Variants in THSD4 observed in about 807,000 individuals in gnomAD.
The protein encoded by THSD4 is thrombospondin type-1 domain-containing protein 4.
A neutral mutation model predicts 119.0 loss-of-function variants in THSD4; 69 were observed. The observed-to-expected ratio is 0.58, with a 90% CI of 0.48 to 0.71. THSD4 has a LOEUF of 0.71. Ranked by LOEUF, THSD4 falls within the 30% of genes least tolerant of loss-of-function variation. THSD4 has a pLI of 0.00. For missense variants in THSD4, 1,393 were observed against 1,391.1 expected, an observed-to-expected ratio of 1.00 and a Z score of -0.02; for synonymous variants, 524 against 540.4, an observed-to-expected ratio of 0.97 and a Z score of 0.42.
rs547542373 is a variant in THSD4, at chr15:71,117,458, C to G, written c.-80+1760C>G. ...TTCTCTCCATGGTACCACTTTTATCCTAATTGCTGGGAGTCTCAATGTTTA... is the reference window on the plus strand; with the variant it reads ...TTCTCTCCATGGTACCACTTTTATCGTAATTGCTGGGAGTCTCAATGTTTA... On this transcript the variant is annotated intron_variant, in intron 1 of 17. Transcript: ENST00000261862. 2.0e-5 allele frequency among the ~76,000 whole-genome samples: 3 copies of G among 152,204 alleles called. No individual in the cohort carries two copies. The East Asian group carries it at 5.8e-4, about 29-fold the overall frequency.
At chr15:71,135,705 G>A (rs1211629392) in intron 1 of THSD4, among the ~76,000 whole-genome samples, 1 of 152,158 alleles carries the variant, frequency 6.6e-6, no homozygotes, top group Non-Finnish European at 1.5e-5. Context: ...TCCAGCCAAA[G>A]CTCTTTCTCC....
At chr15:71,446,597 C>T (rs943693642) in intron 7 of THSD4, among the ~76,000 whole-genome samples, 1 of 152,140 alleles carries the variant, frequency 6.6e-6, no homozygotes, top group Non-Finnish European at 1.5e-5. Flanking sequence ...CTGCAGGTAA[C>T]AGAAAATCCA....
At chr15:71,199,462 TGTGTGTGTGTG>T in intron 3 of THSD4, among the ~76,000 whole-genome samples, 1 of 106,758 alleles carries the variant, frequency 9.4e-6, no homozygotes, top group African/African-American at 3.6e-5. Flanking sequence ...TGGGGGGGGG[TGTGTGTGTGTG>T]GTGTGTGTGT....
At chr15:71,772,561 C>T (rs529921189) in intron 17 of THSD4, among the ~76,000 whole-genome samples, 4 of 152,258 alleles carry the variant, frequency 2.6e-5, no homozygotes, top group East Asian at 1.9e-4. Context: ...CAAGGGGAGC[C>T]GTATGTGCCA....
chr15:71,486,373 G>A (rs2047817124), intron 7 of THSD4, among the ~76,000 whole-genome samples: 1 of 152,078 alleles, frequency 6.6e-6, no homozygotes, highest in Non-Finnish European at 1.5e-5. Flanking sequence ...CTAAAAAGTG[G>A]GAATGATGAT....
intron 7 of THSD4, among the ~76,000 whole-genome samples, chr15:71,526,329 A>G (rs2048517891): frequency 6.6e-6 from 1 of 152,160 alleles, no homozygotes; most frequent in Non-Finnish European, 1.5e-5. Context: ...AAGCCTCTAA[A>G]TATTTCCTCT....
chr15:71,557,457 C>T (rs1203753916), intron 7 of THSD4, among the ~76,000 whole-genome samples: 1 of 151,646 alleles, frequency 6.6e-6, no homozygotes, highest in African/African-American at 2.4e-5. Context: ...GTTTACTTTC[C>T]TGTTTTGCTA....
At chr15:71,664,436 T>A (rs983316195) in intron 8 of THSD4, among the ~76,000 whole-genome samples, 2 of 144,860 alleles carry the variant, frequency 1.4e-5, no homozygotes, top group African/African-American at 5.1e-5. Flanking sequence ...GAAAATAGAT[T>A]TCTATGAAAA....
intron 8 of THSD4, among the ~76,000 whole-genome samples, chr15:71,727,475 C>T (rs181591550): frequency 4.7e-5 from 7 of 148,514 alleles, no homozygotes; most frequent in Admixed American, 3.4e-4. Flanking sequence ...GCAGGCAGAT[C>T]GCTTGAGCTC....
intron 7 of THSD4, among the ~76,000 whole-genome samples, chr15:71,504,822 T>C (rs898608850): frequency 6.6e-6 from 1 of 152,206 alleles, no homozygotes; most frequent in Non-Finnish European, 1.5e-5. Flanking sequence ...TGCCATCCTT[T>C]TTCTATTCCA....
chr15:71,332,697 T>C (rs2140375401), intron 6 of THSD4, among the ~76,000 whole-genome samples: 1 of 151,888 alleles, frequency 6.6e-6, no homozygotes, highest in Non-Finnish European at 1.5e-5. Flanking sequence ...AGCAGACGTC[T>C]CTCTCTCTCT....
chr15:71,123,599 T>C (rs541907132), intron 1 of THSD4, among the ~76,000 whole-genome samples: 2 of 152,226 alleles, frequency 1.3e-5, no homozygotes, highest in African/African-American at 4.8e-5. Context: ...CTTACAGCCT[T>C]AGCAGCGGGC....
chr15:71,251,161 T>C (rs1459800153), intron 5 of THSD4, among the ~76,000 whole-genome samples: 1 of 152,168 alleles, frequency 6.6e-6, no homozygotes, highest in African/African-American at 2.4e-5. Context: ...GCAAGATAAC[T>C]GGAGCGAAAT....
intron 7 of THSD4, among the ~76,000 whole-genome samples, chr15:71,413,103 C>A (rs890196344): frequency 6.6e-6 from 1 of 152,100 alleles, no homozygotes; most frequent in Admixed American, 6.5e-5. Flanking sequence ...CCTCTGCCTC[C>A]TAGGTTCAAG....
intron 17 of THSD4, among the ~76,000 whole-genome samples, chr15:71,776,375 AT>A (rs546097229): frequency 1.3e-5 from 2 of 152,358 alleles, no homozygotes; most frequent in African/African-American, 4.8e-5. Flanking sequence ...TTCGTGAATC[AT>A]TTTTTAAAGT....
intron 3 of THSD4, among the ~76,000 whole-genome samples, chr15:71,189,624 C>G (rs367600037): frequency 6.6e-6 from 1 of 151,556 alleles, no homozygotes; most frequent in East Asian, 1.9e-4. Flanking sequence ...GAGCCGAGAT[C>G]GCGCCACTGC....
At chr15:71,414,127 A>G (rs1430660104) in intron 7 of THSD4, among the ~76,000 whole-genome samples, 3 of 152,300 alleles carry the variant, frequency 2.0e-5, no homozygotes, top group East Asian at 1.9e-4. Flanking sequence ...GATTTTGCAA[A>G]AGTTACTTAA....
intron 7 of THSD4, among the ~76,000 whole-genome samples, chr15:71,591,547 C>T (rs1158928632): frequency 2.0e-5 from 3 of 152,168 alleles, no homozygotes; most frequent in Non-Finnish European, 2.9e-5. Flanking sequence ...ATGTGACATG[C>T]TCCATGTGTG....
At chr15:71,160,175 G>A (rs183571589) in intron 3 of THSD4, among the ~76,000 whole-genome samples, 411 of 151,550 alleles carry the variant, frequency 2.7e-3, no homozygotes, top group African/African-American at 9.5e-3. Flanking sequence ...AATCCCACTT[G>A]ATATTAGTGA....
Sources: allele counts gnomAD v4.1 joint callset (sites outside exome capture counted in the v4.1 genomes callset), GRCh38; gene constraint gnomAD v4.1.1; transcripts MANE v1.5; gene names NCBI Gene and HGNC (gene_info 2026-07-23, HGNC 2026-07-21).